WDR4: variants seen among roughly 807,000 people sequenced by gnomAD.
WDR4 encodes the protein tRNA (guanine-N(7)-)-methyltransferase non-catalytic subunit WDR4.
WDR4 carries 47 observed loss-of-function variants against 48.6 expected under a neutral mutation model. The ratio of observed to expected loss-of-function variants is 0.97; its 90% CI spans 0.77 to 1.23. The LOEUF is 1.23. Ranked by LOEUF, WDR4 falls within the 50% of genes most tolerant of loss-of-function variation. The pLI, the probability that WDR4 is intolerant of heterozygous loss-of-function variation, is 0.00. For synonymous variants in WDR4, 268 were observed against 230.0 expected, an observed-to-expected ratio of 1.17 and a Z score of -1.49; for missense variants, 606 against 551.6, an observed-to-expected ratio of 1.10 and a Z score of -0.99.
At chr21:42,860,185 G>A (rs76888310) in intron 5 of WDR4, among the ~76,000 whole-genome samples, 9,064 of 152,182 alleles carry the variant, frequency 0.06, 311 homozygotes, top group South Asian at 0.081. Context: ...AGGGAGGAGG[G>A]TGGAGGGAGG....
At chr21:42,886,685 A>G in the WDR4 span, 2 of 152,246 alleles carry the variant, frequency 1.3e-5, no homozygotes, top group South Asian at 2.1e-4. Flanking sequence ...CCTTTGGGTC[A>G]TTGCCCGCCG....
chr21:42,874,690 G>A (rs557023714), intron 2 of WDR4, among the ~76,000 whole-genome samples: 16 of 152,046 alleles, frequency 1.1e-4, no homozygotes, highest in South Asian at 6.2e-4. Flanking sequence ...CTCCCATAGC[G>A]CTCCCAGGCT....
chr21:42,859,712 G>T lies in WDR4; in HGVS notation c.577C>A (p.Arg193Ser). The change falls in exon 6 of 11, where the codon CGT (arginine) becomes AGT (serine). Residue 193 changes from arginine (R) to serine (S), a missense_variant. By Grantham distance (110) the Arg-to-Ser change is moderately radical. Transcript: ENST00000398208. Reference sequence around the variant, plus strand: ...GGCTGAGTTGGCACCACGGAGATACGGCTCACAAACCTGTGAGGGCGAGAG... The same window carrying T: ...GGCTGAGTTGGCACCACGGAGATACTGCTCACAAACCTGTGAGGGCGAGAG... Reference protein sequence around the residue: ...FCLGHTEFVSRISVVPTQPGL... With the variant: ...FCLGHTEFVSSISVVPTQPGL... 6.4e-7 allele frequency: 1 copy of T among 1,560,746 alleles called. No individual in the cohort carries two copies. Among genetic ancestry groups the T allele is most frequent in the Admixed American group, 1.9e-5 (1 of 52,376 alleles).
At chr21:42,875,966 GGA>G (rs1414316731) in intron 2 of WDR4, among the ~76,000 whole-genome samples, 1 of 122,872 alleles carries the variant, frequency 8.1e-6, no homozygotes, top group African/African-American at 3.4e-5. Flanking sequence ...CACCCAGGTT[GGA>G]GAGTGCGGTG....
At chr21:42,848,902 TCACACAG>T (rs747624375), downstream of WDR4, among the ~76,000 whole-genome samples, 91 of 48,712 alleles carry the variant, frequency 1.9e-3, 2 homozygotes, top group Non-Finnish European at 2.8e-3. Context: ...GGCGCACACC[TCACACAG>T]CACACGATCA....
chr21:42,877,138 ATTTT>A (rs35841350), intron 1 of WDR4, among the ~76,000 whole-genome samples: 44 of 97,344 alleles, frequency 4.5e-4, no homozygotes, highest in Admixed American at 6.6e-4. Flanking sequence ...CCTGGCCCTA[ATTTT>A]TTTTTTTTTT....
chr21:42,862,245 CCTT>C lies in WDR4; in HGVS notation c.566+34_566+36del, dbSNP rs767961136. 5.2e-6 allele frequency: 8 copies of C among 1,549,692 alleles called. No individual in the cohort carries two copies. The highest frequency in any genetic ancestry group is 4.7e-5 in the East Asian group (2 of 42,728). On this transcript the variant is annotated intron_variant, in intron 5 of 10. Coordinates refer to ENST00000398208, the MANE Select transcript of WDR4 (RefSeq NM_018669.6). This position sits in a 1 kb window ranked among gnomAD's most constrained non-coding sequence, Gnocchi z 4.3. ...CAAGCTGACGCTGTTTTCAAACAGA[CCTT>C]CTTTCTGCTGGAGGGGCAGGAAGGG...
upstream of WDR4, among the ~76,000 whole-genome samples, chr21:42,882,096 T>C (rs1182837371): frequency 2.0e-5 from 3 of 151,798 alleles, no homozygotes; most frequent in Admixed American, 6.6e-5. Flanking sequence ...CCATGATCCA[T>C]GTTAGTCAGG....
At position 42,853,547 on chromosome 21, in the gene WDR4, T is replaced by C. The variant is rs202025091; in HGVS notation, c.975+22A>G. 4 of 1,599,776 alleles carry C rather than the reference T, an allele frequency of 2.5e-6. No homozygotes were observed. In the East Asian group the frequency reaches 9.0e-5, roughly 36 times the overall value. ...TTATGGAAAGGCAGGGCATAGGACA[T>C]CTGGAAGGTGCCGAGTCTCACCTGC... On this transcript the variant is annotated intron_variant, in intron 9 of 10. Transcript: ENST00000398208.
chr21:42,856,399 TTTG>T (rs2057993142), intron 6 of WDR4, among the ~76,000 whole-genome samples: 1 of 152,186 alleles, frequency 6.6e-6, no homozygotes, highest in Non-Finnish European at 1.5e-5. Flanking sequence ...TTGTTATTTT[TTTG>T]TTGTTTAATT....
chr21:42,854,000 CA>C (rs1402513664), intron 8 of WDR4, among the ~76,000 whole-genome samples: 2 of 152,182 alleles, frequency 1.3e-5, no homozygotes, highest in Non-Finnish European at 2.9e-5. Context: ...TACAGGCAGG[CA>C]GGGCAGGAGG....
intron 6 of WDR4, among the ~76,000 whole-genome samples, chr21:42,858,285 C>G (rs886584881): frequency 2.6e-5 from 4 of 152,300 alleles, no homozygotes; most frequent in East Asian, 3.9e-4. Context: ...GCTTTCACAT[C>G]GCACACTGGA....
chr21:42,884,054 G>C (rs2058623253), upstream of WDR4, among the ~76,000 whole-genome samples: 1 of 152,148 alleles, frequency 6.6e-6, no homozygotes, highest in African/African-American at 2.4e-5. Flanking sequence ...TTCTGTCACT[G>C]AATATTAGGT....
In WDR4 at chr21:42,876,685, G is replaced by T. The variant is rs1309284743; in HGVS notation, c.155+17C>A. 6.2e-7 allele frequency: 1 copy of T among 1,611,050 alleles called. No homozygotes were observed. The highest frequency in any genetic ancestry group is 1.1e-5 in the South Asian group (1 of 90,332). ...AACCATTAAAGCAGGCCCTGAAAAA[G>T]CTTCCCCACATCTCACCCTTTATTT... On this transcript the variant is annotated intron_variant, in intron 2 of 10. Coordinates refer to ENST00000398208, the MANE Select transcript of WDR4 (RefSeq NM_018669.6).
chr21:42,849,728 G>A lies in WDR4; in HGVS notation c.*321C>T, dbSNP rs150487722. 2.7e-3 allele frequency: 709 copies of A among 262,504 alleles called. 2 individuals are homozygous for A. Among genetic ancestry groups the A allele is most frequent in the Middle Eastern group, 8.6e-3 (7 of 814 alleles). The allele number at this position is 262,504 out of a possible 1,614,324, so 16.3% of individuals were successfully genotyped here. A position where few individuals can be genotyped will look rare whatever the true frequency, so the allele number is the denominator to read the frequency against. ...GGAAGATGCAGCGGACACGAAGGGC[G>A]GTATGAGAACAGGAGAAACACAGAC... On this transcript the variant is annotated 3_prime_UTR_variant, in exon 11 of 11. Transcript: ENST00000398208.
At chr21:42,855,018 C>T (rs2146014002) in intron 7 of WDR4, among the ~76,000 whole-genome samples, 1 of 152,020 alleles carries the variant, frequency 6.6e-6, no homozygotes, top group South Asian at 2.1e-4. Flanking sequence ...AGGCCGTGCA[C>T]AGTGGCTCAC....
At chr21:42,884,674 C>A in the WDR4 span, among the ~76,000 whole-genome samples, 669 of 151,930 alleles carry the variant, frequency 4.4e-3, 5 homozygotes, top group Non-Finnish European at 7.8e-3. Context: ...TTTCAGGGAC[C>A]GCCAAGCTGA....
At chr21:42,855,545 G>A (rs1046216137) in intron 7 of WDR4, 137 bp downstream of exon 7, 12 of 631,696 alleles carry the variant, frequency 1.9e-5, no homozygotes, top group African/African-American at 1.1e-4. Flanking sequence ...TTTGAAATAC[G>A]AGATTTCCCT....
In WDR4 at chr21:42,863,510, G is replaced by A. The variant is rs753082577; in HGVS notation, c.383C>T (p.Ser128Phe). 2.5e-6 allele frequency: 4 copies of A among 1,614,012 alleles called. No individual in the cohort carries two copies. Among genetic ancestry groups the A allele is most frequent in the Admixed American group, 1.7e-5 (1 of 60,016 alleles). The change falls in exon 4 of 11, where the codon TCC (serine) becomes TTC (phenylalanine). Residue 128 changes from serine (S) to phenylalanine (F), a missense_variant. By Grantham distance (155) the Ser-to-Phe change is radical. Coordinates refer to ENST00000398208, the MANE Select transcript of WDR4 (RefSeq NM_018669.6). ...CCCGTGTGGCTCCAGCACCGAAAAG[G>A]AGTAGACGTCTCCAGACTTGTCGGC... ...LVADKSGDVY[S>F]FSVLEPHGCG... is the part of the protein sequence containing the mutation.
Sources: gnomAD v4.1 joint callset for allele counts (sites outside exome capture counted in the v4.1 genomes callset) on GRCh38, gnomAD v4.1.1 for gene constraint, Gnocchi (gnomAD v3.1) non-coding constraint, MANE v1.5 for transcripts, NCBI Gene and HGNC (gene_info 2026-07-23, HGNC 2026-07-21) for gene names.